GLI3: variants seen among roughly 807,000 people sequenced by gnomAD.
GLI3 encodes the protein GLI family zinc finger 3, also known as transcription activator GLI3.
Under a neutral mutation model 100.8 loss-of-function variants are expected in GLI3, and 20 were observed. That is an observed-to-expected ratio of 0.20 (90% CI 0.14 to 0.29). The LOEUF is 0.29. Among genes scored for constraint, GLI3 ranks in the 10% least tolerant of loss-of-function variants. GLI3 has a pLI of 1.00. For synonymous variants in GLI3, 938 were observed against 860.5 expected, an observed-to-expected ratio of 1.09 and a Z score of -1.58; for missense variants, 2,040 against 2,128.5, an observed-to-expected ratio of 0.96 and a Z score of 0.82.
intron 6 of GLI3, among the ~76,000 whole-genome samples, chr7:42,041,934 G>A (rs758554703): frequency 3.8e-4 from 58 of 151,558 alleles, no homozygotes; most frequent in Non-Finnish European, 6.5e-4. Flanking sequence ...CAACTAAAAC[G>A]AGTTCCTTCA....
rs1787148607 is a variant in GLI3 at position 41,965,679 on chromosome 7, G to C, written c.3394C>G (p.Pro1132Ala). 3.1e-6 allele frequency: 5 copies of C among 1,613,350 alleles called. No homozygotes were observed. In the East Asian group the frequency reaches 1.1e-4, roughly 36 times the overall value. ...CCAGCGTGGCTGTCTGGCAGCCCGG[G>C]CGCGTCAAAGTCACCGGGCCCGTGG... ...VPHGPGDFDA[P>A]GLPDSHAGQQ... is the part of the protein sequence containing the mutation. Residue 1132 changes from proline (P) to alanine (A), a missense_variant, in exon 15 of 15, where the codon CCC (proline) becomes GCC (alanine). Coordinates refer to ENST00000395925, the MANE Select transcript of GLI3 (RefSeq NM_000168.6).
In GLI3 at chr7:42,148,405, T is replaced by C; in HGVS notation, c.188A>G (p.Gln63Arg). The change falls in exon 3 of 15, where the codon CAG (glutamine) becomes CGG (arginine). Residue 63 changes from glutamine to arginine, a missense_variant. By Grantham distance (43) the Gln-to-Arg change is conservative (BLOSUM62 1). Transcript: ENST00000395925. ...ERRNAITMQPQNVQGLSKVSE... is the reference protein window; with the variant it reads ...ERRNAITMQPRNVQGLSKVSE... ...GACTTTGCTGAGCCCCTGGACATTCTGTGGCTGCATAGTGATTGCGTTTCT... is the reference window on the plus strand; with the variant it reads ...GACTTTGCTGAGCCCCTGGACATTCCGTGGCTGCATAGTGATTGCGTTTCT... 6.2e-7 allele frequency: 1 copy of C among 1,613,734 alleles called. No individual in the cohort carries two copies.
rs553700084 is a variant in GLI3 at position 41,971,428 on chromosome 7, A to G, written c.2103+909T>C. 3.9e-5 allele frequency among the ~76,000 whole-genome samples: 6 copies of G among 152,338 alleles called. No homozygotes were observed. In the South Asian group the frequency reaches 1.0e-3, roughly 26 times the overall value. ...CCAGATGGGCTGAATCTCCTCTACT[A>G]TACTATCTACTCTTAATTTTTCTTG... On this transcript the variant is annotated intron_variant, in intron 13 of 14. Transcript: ENST00000395925.
intron 2 of GLI3, among the ~76,000 whole-genome samples, chr7:42,215,378 C>T (rs1389493314): frequency 6.6e-6 from 1 of 152,140 alleles, no homozygotes; most frequent in African/African-American, 2.4e-5. Flanking sequence ...TACTATCACC[C>T]AGTCTCCCCA....
At chr7:42,246,359 T>G (rs1788971637) in intron 1 of GLI3, among the ~76,000 whole-genome samples, 1 of 152,192 alleles carries the variant, frequency 6.6e-6, no homozygotes, top group Admixed American at 6.5e-5. Flanking sequence ...CTCCTGGGTT[T>G]GGACACTGCT....
intron 4 of GLI3, among the ~76,000 whole-genome samples, 199 bp downstream of exon 4, chr7:42,076,553 G>A (rs774258501): frequency 1.8e-4 from 28 of 152,304 alleles, no homozygotes; most frequent in Middle Eastern, 3.4e-3. Flanking sequence ...GACCTAGTGT[G>A]ACAGGCATTC....
At chr7:42,182,146 G>A (rs1421237344) in intron 2 of GLI3, among the ~76,000 whole-genome samples, 1 of 152,132 alleles carries the variant, frequency 6.6e-6, no homozygotes, top group Non-Finnish European at 1.5e-5. Flanking sequence ...TGTGTTGATG[G>A]CGTGTTCCAC....
chr7:42,173,027 A>T (rs1323863469), intron 2 of GLI3, among the ~76,000 whole-genome samples: 3 of 152,216 alleles, frequency 2.0e-5, no homozygotes, highest in Non-Finnish European at 4.4e-5. Flanking sequence ...TCTGCAGGGT[A>T]GCCCACTGAG....
intron 2 of GLI3, among the ~76,000 whole-genome samples, chr7:42,177,107 A>T (rs188033023): frequency 8.2e-4 from 125 of 152,034 alleles, no homozygotes; most frequent in Non-Finnish European, 1.6e-3. Flanking sequence ...TGATAGGGAC[A>T]CTCCGTCCTT....
chr7:42,134,448 G>A (rs1482619252), intron 3 of GLI3, among the ~76,000 whole-genome samples: 1 of 152,110 alleles, frequency 6.6e-6, no homozygotes, highest in African/African-American at 2.4e-5. Context: ...AGCCGCTATG[G>A]TAAACAAAAC....
intron 3 of GLI3, among the ~76,000 whole-genome samples, chr7:42,094,593 G>A (rs1040426717): frequency 9.9e-5 from 15 of 152,040 alleles, no homozygotes; most frequent in African/African-American, 3.6e-4. Flanking sequence ...AAAAAATAGG[G>A]CATGGTGGTG....
intron 3 of GLI3, among the ~76,000 whole-genome samples, chr7:42,106,407 T>C (rs988993623): frequency 2.0e-5 from 3 of 152,138 alleles, no homozygotes; most frequent in Non-Finnish European, 4.4e-5. Context: ...TCTGTGTCCC[T>C]CCAGCTGCAA....
intron 4 of GLI3, among the ~76,000 whole-genome samples, chr7:42,052,758 C>T (rs1376826060): frequency 1.3e-5 from 2 of 152,106 alleles, no homozygotes; most frequent in Non-Finnish European, 2.9e-5. Flanking sequence ...AAAATGTGGT[C>T]ACTTATTAAT....
At chr7:42,207,688 G>A (rs940355958) in intron 2 of GLI3, among the ~76,000 whole-genome samples, 1 of 152,224 alleles carries the variant, frequency 6.6e-6, no homozygotes, top group African/African-American at 2.4e-5. Flanking sequence ...AGTTGGAGAA[G>A]AGTGGTTCAT....
chr7:42,189,009 G>A (rs973234087), intron 2 of GLI3, among the ~76,000 whole-genome samples: 8 of 152,176 alleles, frequency 5.3e-5, no homozygotes, highest in South Asian at 2.1e-4. Flanking sequence ...GTGATAATGC[G>A]ATGTCCATGT....
chr7:42,240,386 A>G (rs1788912336), upstream of GLI3, among the ~76,000 whole-genome samples: 1 of 152,192 alleles, frequency 6.6e-6, no homozygotes, highest in African/African-American at 2.4e-5. Context: ...AAGTACCAAA[A>G]ACTGGATGGC....
chr7:42,048,362 GGCACAGA>G, intron 5 of GLI3, 122 bp downstream of exon 5: 1 of 748,046 alleles, frequency 1.3e-6, no homozygotes, highest in South Asian at 1.4e-5. Context: ...ATGCATGTAA[GGCACAGA>G]GCACAGCGCC....
intron 3 of GLI3, among the ~76,000 whole-genome samples, chr7:42,092,184 G>C (rs893646753): frequency 2.6e-5 from 4 of 152,236 alleles, no homozygotes; most frequent in Non-Finnish European, 5.9e-5. Flanking sequence ...GCAGGAGAAG[G>C]CAGAGTCCAA....
At position 42,132,074 on chromosome 7, in the gene GLI3, A is replaced by ATTAT. The variant is rs57779364; in HGVS notation, c.367+16148_367+16151dup. ...TCCATTCCAGGGTCTTCAGGACTTC[A>ATTAT]TTATTTATTTATTTATTTATTTATT... On this transcript the variant is annotated intron_variant, in intron 3 of 14. Coordinates refer to ENST00000395925, the MANE Select transcript of GLI3 (RefSeq NM_000168.6). Among the ~76,000 whole-genome samples the ATTAT allele has an allele frequency of 5.5e-3, 833 of 151,080 alleles. 5 individuals carry two copies. Among genetic ancestry groups the ATTAT allele is most frequent in the East Asian group, 0.04 (208 of 5,154 alleles).
Sources: gnomAD v4.1 joint callset for allele counts (sites outside exome capture counted in the v4.1 genomes callset) on GRCh38, gnomAD v4.1.1 for gene constraint, MANE v1.5 for transcripts, NCBI Gene and HGNC (gene_info 2026-07-23, HGNC 2026-07-21) for gene names.